Variants in L3MBTL2 observed in about 807,000 individuals in gnomAD.
The protein encoded by L3MBTL2 is L3MBTL histone methyl-lysine binding protein 2, also known as lethal(3)malignant brain tumor-like protein 2.
Under a neutral mutation model 86.4 loss-of-function variants are expected in L3MBTL2, and 49 were observed. The ratio of observed to expected loss-of-function variants is 0.57; its 90% CI spans 0.45 to 0.72. The LOEUF (loss-of-function observed/expected upper bound fraction) is 0.72, where lower values mean the gene tolerates loss of function less well. Among genes scored for constraint, L3MBTL2 ranks in the 30% least tolerant of loss-of-function variants. The pLI, the probability that L3MBTL2 is intolerant of heterozygous loss-of-function variation, is 0.00. For synonymous variants in L3MBTL2, 336 were observed against 350.6 expected, an observed-to-expected ratio of 0.96 and a Z score of 0.47; for missense variants, 755 against 923.7, an observed-to-expected ratio of 0.82 and a Z score of 2.37.
chr22:41,230,079 G>GGGGCC, intron 16 of L3MBTL2, 60 bp from the exon 17 acceptor site: 1 of 532,754 alleles, frequency 1.9e-6, no homozygotes. Flanking sequence ...CAGCTCCTCC[G>GGGGCC]CCCCCACCCC....
At position 41,230,304 on chromosome 22, in the gene L3MBTL2, T is replaced by G; in HGVS notation, c.*53T>G. On this transcript the variant is annotated 3_prime_UTR_variant, in exon 17 of 17. Coordinates refer to ENST00000216237, the MANE Select transcript of L3MBTL2 (RefSeq NM_031488.5). ...GCTGGAAGCCAGCCCAGCGTTTCTC[T>G]ACCACCACCACCATGCCTCCACCTG... 57 of 1,302,064 alleles carry G rather than the reference T, an allele frequency of 4.4e-5. No homozygotes were observed. Among genetic ancestry groups the G allele is most frequent in the Non-Finnish European group, 5.9e-5 (53 of 898,562 alleles). 80.7% of individuals were successfully genotyped at this position (1,302,064 alleles called of 1,614,324 possible).
rs138953246 is a variant in L3MBTL2 at position 41,228,051 on chromosome 22, C to A, written c.1888+182C>A. 2,474 of 985,400 alleles carry A rather than the reference C, an allele frequency of 2.5e-3. 45 individuals are homozygous for A. The African/African-American group carries it at 0.04, about 16-fold the overall frequency. The allele number at this position is 985,400 out of a possible 1,614,324, so 61.0% of individuals were successfully genotyped here. ...TGCCCTTTGGCCTACGGGCCTTTCACCCTGTCTCTGGGGACCCAGACCATA... is the reference window on the plus strand; with the variant it reads ...TGCCCTTTGGCCTACGGGCCTTTCAACCTGTCTCTGGGGACCCAGACCATA... On this transcript the variant is annotated intron_variant, in intron 15 of 16. Coordinates refer to ENST00000216237, the MANE Select transcript of L3MBTL2 (RefSeq NM_031488.5).
chr22:41,230,021 T>A (rs2032475257), intron 16 of L3MBTL2, 118 bp from the exon 17 acceptor site: 2 of 754,734 alleles, frequency 2.6e-6, no homozygotes, highest in South Asian at 1.8e-5. Flanking sequence ...AGCTGGAGGG[T>A]GAAGGTGCAT....
chr22:41,221,208 C>A lies in L3MBTL2; in HGVS notation c.863C>A (p.Ala288Asp). ...KILVPPRTIHAKFTDWKGYLM... is the reference protein window; with the variant it reads ...KILVPPRTIHDKFTDWKGYLM... Reference sequence around the variant, plus strand: ...GCTGGTGCCTCCACAGCCATCCATGCCAAGTTCACCGACTGGAAGGGCTAC... The same window carrying A: ...GCTGGTGCCTCCACAGCCATCCATGACAAGTTCACCGACTGGAAGGGCTAC... The change falls in exon 8 of 17, where the codon GCC becomes GAC. Residue 288 changes from alanine (A) to aspartate (D), a missense_variant. By Grantham distance (126) the Ala-to-Asp change is moderately radical (BLOSUM62 -2). Coordinates refer to ENST00000216237, the MANE Select transcript of L3MBTL2 (RefSeq NM_031488.5). 1 of 1,549,952 alleles carries A rather than the reference C, an allele frequency of 6.5e-7. No homozygotes were observed. The highest frequency in any genetic ancestry group is 8.7e-7 in the Non-Finnish European group (1 of 1,145,608).
chr22:41,214,080 C>A, intron 3 of L3MBTL2, 54 bp downstream of exon 3: 1 of 1,597,036 alleles, frequency 6.3e-7, no homozygotes, highest in Non-Finnish European at 8.6e-7. Context: ...GAGACAGGAA[C>A]CACCAAGTGA....
intron 3 of L3MBTL2, chr22:41,214,491 T>A (rs1371940436): frequency 6.4e-6 from 1 of 156,358 alleles, no homozygotes; most frequent in East Asian, 1.9e-4. Context: ...GATGGAAAGA[T>A]TCTTGGATGT....
At position 41,229,656 on chromosome 22, in the gene L3MBTL2, A is replaced by T. The variant is rs749905682; in HGVS notation, c.2005A>T (p.Ile669Phe). Residue 669 changes from isoleucine to phenylalanine, a missense_variant and splice_region_variant, in exon 16 of 17, where the codon ATC (isoleucine) becomes TTC (phenylalanine). Ile to Phe is a conservative substitution (Grantham distance 21). Coordinates refer to ENST00000216237, the MANE Select transcript of L3MBTL2 (RefSeq NM_031488.5). The part of the protein sequence containing the change: ...KISSEPVPGE[I>F]IAVRVKEEHL... ...CTCGTCGGAGCCTGTTCCTGGCGAG[A>T]GTAAGAGCCACCGGGCTGGGTCAAG... 2 of 1,613,200 alleles carry T rather than the reference A, an allele frequency of 1.2e-6. No homozygotes were observed. Among genetic ancestry groups the T allele is most frequent in the East Asian group, 2.2e-5 (1 of 44,884 alleles).
In L3MBTL2 at chr22:41,225,184, T is replaced by A. The variant is rs1459019392; in HGVS notation, c.1356+113T>A. ...AGGGGGTCTGTGTCCCAGCCTCTCA[T>A]CACTGGCTGCACCCAGAGTCCCTGA... is the stretch of plus-strand genomic sequence containing the variant. On this transcript the variant is annotated intron_variant, in intron 11 of 16. Coordinates refer to ENST00000216237, the MANE Select transcript of L3MBTL2 (RefSeq NM_031488.5). This position sits in a 1 kb window ranked among gnomAD's most constrained non-coding sequence, Gnocchi z 4.1. 7.1e-5 allele frequency: 56 copies of A among 783,908 alleles called. No homozygotes were observed. The highest frequency in any genetic ancestry group is 8.1e-6 in the Non-Finnish European group (4 of 491,260). 48.6% of individuals were successfully genotyped at this position (783,908 alleles called of 1,614,324 possible). A position where few individuals can be genotyped will look rare whatever the true frequency, so the allele number is the denominator to read the frequency against.
In L3MBTL2 at chr22:41,213,966, C is replaced by T; in HGVS notation, c.336C>T (p.Val112=). ...CCAAGACCAAGAGGTTCTGCAGCGT[C>T]TCCTGCTCCAGGAGCTACTCCTCCA... The part of the protein sequence containing the change: ...FFSKTKRFCS[V]SCSRSYSSNS... The change falls in exon 3 of 17, where the codon GTC becomes GTT. Residue 112 remains valine (V), a synonymous_variant. Coordinates refer to ENST00000216237, the MANE Select transcript of L3MBTL2 (RefSeq NM_031488.5). 1 of 1,614,108 alleles carries T rather than the reference C, an allele frequency of 6.2e-7. No homozygotes were observed. Among genetic ancestry groups the T allele is most frequent in the Non-Finnish European group, 8.5e-7 (1 of 1,179,988 alleles).
chr22:41,214,805 G>A (rs1204124162), intron 3 of L3MBTL2: 1 of 152,222 alleles, frequency 6.6e-6, no homozygotes, highest in Admixed American at 6.6e-5. Flanking sequence ...GAGGTCAGGA[G>A]ATCGAGACCA....
chr22:41,230,432 T>C lies in L3MBTL2; in HGVS notation c.*181T>C. 1 of 595,820 alleles carries C rather than the reference T, an allele frequency of 1.7e-6. No individual in the cohort carries two copies. Among genetic ancestry groups the C allele is most frequent in the East Asian group, 2.9e-5 (1 of 34,922 alleles). The allele number at this position is 595,820 out of a possible 1,614,324, so 36.9% of individuals were successfully genotyped here. A position where few individuals can be genotyped will look rare whatever the true frequency, so the allele number is the denominator to read the frequency against. On this transcript the variant is annotated 3_prime_UTR_variant, in exon 17 of 17. Transcript: ENST00000216237. Reference sequence around the variant, plus strand: ...GGGTCTCCTGGGACCCGCCTGTTGCTTCTGCCCTCCCCTGTGGAAAGGTCT... The same window carrying C: ...GGGTCTCCTGGGACCCGCCTGTTGCCTCTGCCCTCCCCTGTGGAAAGGTCT...
In L3MBTL2 at chr22:41,230,203, A is replaced by G. The variant is rs1279216811; in HGVS notation, c.2070A>G (p.Pro690=). ...CCTCGCCCGACAAGGCTTCAAGTCCAGAGCTGCCTGTCTCCGTCGAGAACA... is the reference window on the plus strand; with the variant it reads ...CCTCGCCCGACAAGGCTTCAAGTCCGGAGCTGCCTGTCTCCGTCGAGAACA... ...DVASPDKASS[P]ELPVSVENIK... The change falls in exon 17 of 17, where the codon CCA becomes CCG. Residue 690 remains proline (P), a synonymous_variant. Transcript: ENST00000216237. The G allele has an allele frequency of 6.2e-7, 1 of 1,612,944 alleles. No homozygotes were observed. Among genetic ancestry groups the G allele is most frequent in the South Asian group, 1.1e-5 (1 of 91,028 alleles).
intron 1 of L3MBTL2, among the ~76,000 whole-genome samples, chr22:41,207,959 G>A (rs1406990739): frequency 6.6e-6 from 1 of 151,292 alleles, no homozygotes; most frequent in Non-Finnish European, 1.5e-5. Flanking sequence ...AGCCTCCCGA[G>A]TAGCTGGGAT....
At chr22:41,223,886 C>G (rs191782943) in intron 8 of L3MBTL2, 134 bp from the exon 9 acceptor site, 2 of 697,922 alleles carry the variant, frequency 2.9e-6, no homozygotes, top group Admixed American at 4.8e-5. Context: ...CGCAGGCAGT[C>G]TCATCTGCCA....
intron 8 of L3MBTL2, among the ~76,000 whole-genome samples, chr22:41,222,048 A>ACCATAGCG (rs1261931956): frequency 6.6e-6 from 1 of 152,046 alleles, no homozygotes; most frequent in African/African-American, 2.4e-5. Flanking sequence ...ACAGGTGCGC[A>ACCATAGCG]CACACCACCA....
intron 2 of L3MBTL2, 180 bp from the exon 3 acceptor site, chr22:41,213,709 CTTCA>C: frequency 1.6e-6 from 1 of 611,610 alleles, no homozygotes; most frequent in Non-Finnish European, 2.8e-6. Context: ...AGCAGCAGCA[CTTCA>C]TTCAGGTAGA....
intron 2 of L3MBTL2, among the ~76,000 whole-genome samples, chr22:41,210,864 G>A (rs1335742972): frequency 6.6e-6 from 1 of 152,162 alleles, no homozygotes; most frequent in Non-Finnish European, 1.5e-5. Flanking sequence ...CTGCTTTTTT[G>A]TATAAGTATA....
rs770684157 is a variant in L3MBTL2, at chr22:41,214,066, T to TG, written c.396+41dup. The stretch of plus-strand genomic sequence containing the variant: ...CTTGGATCCTTCCCGGTGCCTTTGG[T>TG]GCTGAGACAGGAACCACCAAGTGAC... On this transcript the variant is annotated intron_variant, in intron 3 of 16. Coordinates refer to ENST00000216237, the MANE Select transcript of L3MBTL2 (RefSeq NM_031488.5). The TG allele has an allele frequency of 1.3e-5, 21 of 1,609,540 alleles. No individual in the cohort carries two copies. The African/African-American group carries it at 2.8e-4, about 21-fold the overall frequency.
chr22:41,225,856 C>G lies in L3MBTL2; in HGVS notation c.1419C>G (p.Asp473Glu), dbSNP rs760119413. 1.2e-6 allele frequency: 2 copies of G among 1,614,150 alleles called. No homozygotes were observed. The highest frequency in any genetic ancestry group is 1.7e-6 in the Non-Finnish European group (2 of 1,180,004). The change falls in exon 12 of 17, where the codon GAC (aspartate) becomes GAG (glutamate). Residue 473 changes from aspartate to glutamate, a missense_variant. This residue lies in a region of L3MBTL2 where 634 missense variants were observed against 748.9 expected (regional missense o/e 0.85). Transcript: ENST00000216237. The surrounding 1 kb of genome is among the most constrained non-coding windows in gnomAD (Gnocchi z 4.1). ...GGGGGCCCTCCACAGATGGCTTGGA[C>G]TGGTTCTGCTACCATGCCTCTTCCC... ...VDGGPSTDGL[D>E]WFCYHASSHA...
Sources: allele counts gnomAD v4.1 joint callset (sites outside exome capture counted in the v4.1 genomes callset), GRCh38; gene constraint gnomAD v4.1.1; regional missense constraint gnomAD v4.1.1; non-coding constraint Gnocchi (gnomAD v3.1); transcripts MANE v1.5; gene names NCBI Gene and HGNC (gene_info 2026-07-23, HGNC 2026-07-21).